ACVR2B: variants seen among roughly 807,000 people sequenced by gnomAD.
The protein encoded by ACVR2B is activin receptor type-2B.
In ACVR2B, 18 loss-of-function variants were observed where a neutral mutation model predicts 65.1. That is an observed-to-expected ratio of 0.28 (90% CI 0.19 to 0.41). ACVR2B has a LOEUF of 0.41. Among genes scored for constraint, ACVR2B ranks in the 10% least tolerant of loss-of-function variants. ACVR2B has a pLI of 1.00. For synonymous variants in ACVR2B, 298 were observed against 277.7 expected, an observed-to-expected ratio of 1.07 and a Z score of -0.73; for missense variants, 482 against 682.7, an observed-to-expected ratio of 0.71 and a Z score of 3.28.
Position 38,491,255 on chromosome 3 carries a change from C to T in ACVR2B, c.*7923C>T, listed in dbSNP as rs2059807751. 6.6e-6 allele frequency: 1 copy of T among 152,550 alleles called. No individual in the cohort carries two copies. Among genetic ancestry groups the T allele is most frequent in the Non-Finnish European group, 1.5e-5 (1 of 68,016 alleles). 9.4% of individuals were successfully genotyped at this position (152,550 alleles called of 1,614,324 possible). On this transcript the variant is annotated 3_prime_UTR_variant, in exon 11 of 11. Coordinates refer to ENST00000352511, the MANE Select transcript of ACVR2B (RefSeq NM_001106.4). ...GCAGTCACCGCATCTGAATTTTTGT[C>T]TCTGGGGCATAGATGGCAGACCAAG... is the stretch of plus-strand genomic sequence containing the variant.
At chr3:38,467,035 C>A in intron 1 of ACVR2B, among the ~76,000 whole-genome samples, 1 of 152,130 alleles carries the variant, frequency 6.6e-6, no homozygotes, top group East Asian at 1.9e-4. Context: ...TTAAATTGTT[C>A]TAAAGATTCT....
rs2059815295 is a variant in ACVR2B at position 38,492,115 on chromosome 3, G to A, written c.*8783G>A. On this transcript the variant is annotated 3_prime_UTR_variant, in exon 11 of 11. Coordinates refer to ENST00000352511, the MANE Select transcript of ACVR2B (RefSeq NM_001106.4). ...ACATACGGTTAAAGAACACAGCAAAGGACAAAATTTGCAGGAACAGTTTTG... is the reference window on the plus strand; with the variant it reads ...ACATACGGTTAAAGAACACAGCAAAAGACAAAATTTGCAGGAACAGTTTTG... 6.6e-6 allele frequency: 1 copy of A among 152,362 alleles called. No homozygotes were observed. Among genetic ancestry groups the A allele is most frequent in the Non-Finnish European group, 1.5e-5 (1 of 68,024 alleles). The allele number at this position is 152,362 out of a possible 1,614,324, so 9.4% of individuals were successfully genotyped here.
intron 1 of ACVR2B, among the ~76,000 whole-genome samples, chr3:38,469,710 G>A (rs370496661): frequency 6.6e-6 from 1 of 152,176 alleles, no homozygotes; most frequent in Non-Finnish European, 1.5e-5. Context: ...CTTCAAACTT[G>A]GCCTCAAAGT....
At position 38,481,729 on chromosome 3, in the gene ACVR2B, T is replaced by C. The variant is rs537024743; in HGVS notation, c.1074+264T>C. On this transcript the variant is annotated intron_variant, in intron 8 of 10. Coordinates refer to ENST00000352511, the MANE Select transcript of ACVR2B (RefSeq NM_001106.4). This position sits in a 1 kb window ranked among gnomAD's most constrained non-coding sequence, Gnocchi z 4.7. ...ACCACTAGTCCTTGCAATCTTAGTC[T>C]TTCTCTCACTTTTTTAGTTTTAATT... Among the ~76,000 whole-genome samples the C allele has an allele frequency of 1.5e-3, 224 of 152,348 alleles. No individual in the cohort carries two copies. Among genetic ancestry groups the C allele is most frequent in the African/African-American group, 5.1e-3 (211 of 41,584 alleles).
chr3:38,475,692 A>T (rs191223321), intron 1 of ACVR2B: 1 of 152,486 alleles, frequency 6.6e-6, no homozygotes, highest in Non-Finnish European at 1.5e-5. Context: ...GAAGGCCAAC[A>T]GTAGGGGTGG....
rs1392051747 is a variant in ACVR2B at position 38,479,185 on chromosome 3, G to A, written c.724G>A (p.Glu242Lys). 6 of 1,614,156 alleles carry A rather than the reference G, an allele frequency of 3.7e-6. No individual in the cohort carries two copies. In the East Asian group the frequency reaches 6.7e-5, roughly 18 times the overall value. The change falls in exon 6 of 11, where the codon GAG becomes AAG. Residue 242 changes from glutamate (E) to lysine (K), a missense_variant. Physicochemically the swap from Glu to Lys is moderately conservative, Grantham distance 56. Coordinates refer to ENST00000352511, the MANE Select transcript of ACVR2B (RefSeq NM_001106.4). ...CTTCAGCACACCTGGCATGAAGCAC[G>A]AGAACCTGCTACAGTTCATTGCTGC... ...EIFSTPGMKH[E>K]NLLQFIAAEK...
In ACVR2B at chr3:38,479,225, C is replaced by T; in HGVS notation, c.764C>T (p.Ser255Phe). The change falls in exon 6 of 11, where the codon TCC becomes TTC. Residue 255 changes from serine (S) to phenylalanine (F), a missense_variant. Coordinates refer to ENST00000352511, the MANE Select transcript of ACVR2B (RefSeq NM_001106.4). ...LQFIAAEKRG[S>F]NLEVELWLIT... ...TTCATTGCTGCCGAGAAGCGAGGCTCCAACCTCGAAGTAGAGCTGTGGCTC... is the reference window on the plus strand; with the variant it reads ...TTCATTGCTGCCGAGAAGCGAGGCTTCAACCTCGAAGTAGAGCTGTGGCTC... 1.2e-6 allele frequency: 2 copies of T among 1,614,134 alleles called. No homozygotes were observed. The highest frequency in any genetic ancestry group is 1.1e-5 in the South Asian group (1 of 91,076).
rs1710019145 is a variant in ACVR2B at position 38,481,615 on chromosome 3, G to GTGGAGAAAT, written c.1074+158_1074+159insTTGGAGAAA. 2.8e-6 allele frequency: 2 copies of GTGGAGAAAT among 705,484 alleles called. No individual in the cohort carries two copies. Among genetic ancestry groups the GTGGAGAAAT allele is most frequent in the African/African-American group, 3.5e-5 (2 of 57,070 alleles). 43.7% of individuals were successfully genotyped at this position (705,484 alleles called of 1,614,324 possible). A position where few individuals can be genotyped will look rare whatever the true frequency, so the allele number is the denominator to read the frequency against. ...TTAGAGCAATGCTCTTGTTTGACCA[G>GTGGAGAAAT]TGGAGAAACCAAGACCAGGAAGGCA... On this transcript the variant is annotated intron_variant, in intron 8 of 10. Coordinates refer to ENST00000352511, the MANE Select transcript of ACVR2B (RefSeq NM_001106.4). This position sits in a 1 kb window ranked among gnomAD's most constrained non-coding sequence, Gnocchi z 4.7.
rs907468749 is a variant in ACVR2B, at chr3:38,478,053, T to C, written c.370+83T>C. 3.4e-5 allele frequency: 54 copies of C among 1,593,888 alleles called. No individual in the cohort carries two copies. In the African/African-American group the frequency reaches 6.3e-4, roughly 19 times the overall value. On this transcript the variant is annotated intron_variant, in intron 3 of 10. Coordinates refer to ENST00000352511, the MANE Select transcript of ACVR2B (RefSeq NM_001106.4). ...TGGAGCGCTTGGCTCCTCAGTTGGG[T>C]GGGGTGTGGCTACAGGGCCCTGTAG...
At chr3:38,475,844 G>A (rs1709898056) in intron 1 of ACVR2B, 1 of 153,722 alleles carries the variant, frequency 6.5e-6, no homozygotes, top group Non-Finnish European at 1.4e-5. Flanking sequence ...GGCTGCTGGT[G>A]GGCTGGCTGT....
In ACVR2B at chr3:38,488,337, TCTAC is replaced by T. The variant is rs1331802921; in HGVS notation, c.*5009_*5012del. ...CAGATAGTTGATTTGCAACCAGCAG[TCTAC>T]CTATGAATGTATCCCAAACCTTTAG... is the stretch of plus-strand genomic sequence containing the variant. On this transcript the variant is annotated 3_prime_UTR_variant, in exon 11 of 11. Coordinates refer to ENST00000352511, the MANE Select transcript of ACVR2B (RefSeq NM_001106.4). The T allele has an allele frequency of 1.3e-5, 2 of 152,228 alleles. No individual in the cohort carries two copies. The highest frequency in any genetic ancestry group is 6.5e-5 in the Admixed American group (1 of 15,292). The allele number at this position is 152,228 out of a possible 1,614,324, so 9.4% of individuals were successfully genotyped here.
chr3:38,465,397 CAA>C (rs71085325), intron 1 of ACVR2B, among the ~76,000 whole-genome samples: 1,057 of 90,246 alleles, frequency 0.012, 1 homozygote, highest in Middle Eastern at 0.045. Context: ...GATTCCATCT[CAA>C]AAAAAAAAAA....
chr3:38,477,902 T>G lies in ACVR2B; in HGVS notation c.302T>G (p.Phe101Cys). 1 of 1,614,086 alleles carries G rather than the reference T, an allele frequency of 6.2e-7. No individual in the cohort carries two copies. The change falls in exon 3 of 11, where the codon TTC (phenylalanine) becomes TGC (cysteine). Residue 101 changes from phenylalanine to cysteine, a missense_variant. Coordinates refer to ENST00000352511, the MANE Select transcript of ACVR2B (RefSeq NM_001106.4). This position sits in a 1 kb window ranked among gnomAD's most constrained non-coding sequence, Gnocchi z 6.7. ...ACTGAGGAGAACCCCCAGGTGTACTTCTGCTGCTGTGAAGGCAACTTCTGC... is the reference window on the plus strand; with the variant it reads ...ACTGAGGAGAACCCCCAGGTGTACTGCTGCTGCTGTGAAGGCAACTTCTGC... ...VATEENPQVY[F>C]CCCEGNFCNE...
chr3:38,458,248 A>G (rs948850220), intron 1 of ACVR2B, among the ~76,000 whole-genome samples: 10 of 152,172 alleles, frequency 6.6e-5, no homozygotes, highest in Admixed American at 1.3e-4. Context: ...TAAGGAGCCA[A>G]TGAAGAGCCC....
At chr3:38,461,601 A>G (rs375310938) in intron 1 of ACVR2B, among the ~76,000 whole-genome samples, 3 of 152,198 alleles carry the variant, frequency 2.0e-5, no homozygotes, top group African/African-American at 7.2e-5. Flanking sequence ...CCTGCCCTGA[A>G]ACCTCGCATC....
chr3:38,492,801 C>CACAT lies in ACVR2B; in HGVS notation c.*9473_*9476dup, dbSNP rs1400227092. 2.8e-4 allele frequency: 20 copies of CACAT among 70,652 alleles called. No individual in the cohort carries two copies. Among genetic ancestry groups the CACAT allele is most frequent in the African/African-American group, 1.0e-3 (20 of 19,544 alleles). 4.4% of individuals were successfully genotyped at this position (70,652 alleles called of 1,614,324 possible). Reference sequence around the variant, plus strand: ...ACACACACACACACACACACACACACACATACACCTAAAATGGCCTAAAGC... The same window carrying CACAT: ...ACACACACACACACACACACACACACACATACATACACCTAAAATGGCCTAAAGC... On this transcript the variant is annotated 3_prime_UTR_variant, in exon 11 of 11. Coordinates refer to ENST00000352511, the MANE Select transcript of ACVR2B (RefSeq NM_001106.4).
intron 1 of ACVR2B, among the ~76,000 whole-genome samples, chr3:38,464,592 G>A (rs1709700071): frequency 6.6e-6 from 1 of 152,148 alleles, no homozygotes; most frequent in Non-Finnish European, 1.5e-5. Context: ...TCTGTTTTTA[G>A]TCATAGGGGC....
At chr3:38,472,067 A>G (rs553705877) in intron 1 of ACVR2B, among the ~76,000 whole-genome samples, 1 of 152,324 alleles carries the variant, frequency 6.6e-6, no homozygotes, top group Non-Finnish European at 1.5e-5. Context: ...ATGCCGCTCC[A>G]CAGTGTGCAT....
intron 1 of ACVR2B, chr3:38,473,591 G>A (rs1709856624): frequency 6.6e-6 from 1 of 152,344 alleles, no homozygotes; most frequent in South Asian, 2.1e-4. Flanking sequence ...GGTGAGGGAG[G>A]GGCATGGGCT....
Sources: allele counts gnomAD v4.1 joint callset (sites outside exome capture counted in the v4.1 genomes callset), GRCh38; gene constraint gnomAD v4.1.1; non-coding constraint Gnocchi (gnomAD v3.1); transcripts MANE v1.5; gene names NCBI Gene and HGNC (gene_info 2026-07-23, HGNC 2026-07-21).